The following GLP2R variants were observed in gnomAD, a reference collection of about 807,000 sequenced individuals.
GLP2R encodes the protein glucagon-like peptide 2 receptor.
GLP2R carries 59 observed loss-of-function variants against 68.2 expected under a neutral mutation model. The ratio of observed to expected loss-of-function variants is 0.87; its 90% confidence interval spans 0.70 to 1.07. GLP2R has a LOEUF of 1.07. GLP2R is among the 50% of genes least tolerant of loss of function. The probability of loss-of-function intolerance (pLI) is 0.00; values close to 1 mark genes in which losing one functional copy is unlikely to be tolerated. For missense variants in GLP2R, 548 were observed against 677.4 expected, an observed-to-expected ratio of 0.81 and a Z score of 2.12; for synonymous variants, 270 against 265.4, an observed-to-expected ratio of 1.02 and a Z score of -0.17.
chr17:9,876,634 A>G (rs182954248), intron 10 of GLP2R, among the ~76,000 whole-genome samples: 20 of 152,308 alleles, frequency 1.3e-4, no homozygotes, highest in African/African-American at 4.6e-4. Context: ...CCTAGGTTTC[A>G]TGACCTGTTT....
At position 9,891,831 on chromosome 17, in the gene GLP2R, G is replaced by T. The variant is rs2067293396; in HGVS notation, c.*2126G>T. ...AGCCAATTAGCTCCTAGAAAGCTGG[G>T]GTCATCTCGTATTCCCAGCAAGTAC... On this transcript the variant is annotated 3_prime_UTR_variant, in exon 13 of 13. Transcript: ENST00000262441. 1 of 152,068 alleles carries T rather than the reference G, an allele frequency of 6.6e-6. No individual in the cohort carries two copies. Among genetic ancestry groups the T allele is most frequent in the Non-Finnish European group, 1.5e-5 (1 of 68,026 alleles). The allele number at this position is 152,068 out of a possible 1,614,324, so 9.4% of individuals were successfully genotyped here.
At chr17:9,881,534 CTA>C (rs2067196261) in intron 11 of GLP2R, among the ~76,000 whole-genome samples, 1 of 146,264 alleles carries the variant, frequency 6.8e-6, no homozygotes, top group Admixed American at 6.7e-5. Context: ...GCGCCCGCCA[CTA>C]CGCCCGGCTA....
At chr17:9,859,079 T>C (rs963994534) in intron 6 of GLP2R, among the ~76,000 whole-genome samples, 2 of 152,184 alleles carry the variant, frequency 1.3e-5, no homozygotes, top group African/African-American at 4.8e-5. Flanking sequence ...AGCATTTTTC[T>C]TTTTTAAAAA....
At chr17:9,860,285 G>C (rs2066976376) in intron 7 of GLP2R, among the ~76,000 whole-genome samples, 184 bp downstream of exon 7, 1 of 152,192 alleles carries the variant, frequency 6.6e-6, no homozygotes, top group South Asian at 2.1e-4. Context: ...ATGCACAGGG[G>C]CCATAGGCCC....
At chr17:9,857,727 C>A in intron 6 of GLP2R, 151 bp downstream of exon 6, 1 of 727,246 alleles carries the variant, frequency 1.4e-6, no homozygotes. Context: ...CGTGACTTAA[C>A]AAAACCACCA....
At chr17:9,844,637 C>T (rs1285086061) in intron 4 of GLP2R, among the ~76,000 whole-genome samples, 4 of 132,500 alleles carry the variant, frequency 3.0e-5, no homozygotes, top group African/African-American at 8.2e-5. Context: ...AGGCCTTGCC[C>T]TTTGGATTCT....
intron 10 of GLP2R, among the ~76,000 whole-genome samples, chr17:9,871,678 A>G (rs1295648905): frequency 6.6e-6 from 1 of 151,686 alleles, no homozygotes; most frequent in Non-Finnish European, 1.5e-5. Flanking sequence ...AAGAGAGATA[A>G]AGGGTTTCCT....
At chr17:9,833,769 C>A in intron 1 of GLP2R, 38 bp from the exon 2 acceptor site, 1 of 1,304,342 alleles carries the variant, frequency 7.7e-7, no homozygotes, top group Non-Finnish European at 1.1e-6. Context: ...CACATCTGTG[C>A]TTGGTCACTG....
At chr17:9,874,774 C>T (rs757465114) in intron 10 of GLP2R, among the ~76,000 whole-genome samples, 5 of 152,276 alleles carry the variant, frequency 3.3e-5, no homozygotes, top group Admixed American at 6.5e-5. Context: ...TTTCCTAATC[C>T]GCAACACCAG....
chr17:9,831,179 G>C lies in GLP2R; in HGVS notation c.190-2628G>C, dbSNP rs560545869. On this transcript the variant is annotated intron_variant, in intron 1 of 12. Transcript: ENST00000262441. ...ATAACCTTAAATCTACCTGGCCCTA[G>C]AAAACATTTGAGCTTGTTGCCCCTT... Among the ~76,000 whole-genome samples the C allele has an allele frequency of 5.8e-4, 89 of 152,290 alleles. No individual in the cohort carries two copies. The South Asian group carries it at 0.017, about 29-fold the overall frequency.
rs1279597229 is a variant in GLP2R at position 9,870,915 on chromosome 17, G to A, written c.1145+80G>A. 5 of 756,062 alleles carry A rather than the reference G, an allele frequency of 6.6e-6. No individual in the cohort carries two copies. The African/African-American group carries it at 6.9e-5, about 10-fold the overall frequency. The allele number at this position is 756,062 out of a possible 1,614,324, so 46.8% of individuals were successfully genotyped here. On this transcript the variant is annotated intron_variant, in intron 10 of 12. Transcript: ENST00000262441. ...CTGTTCTGCCCGCTGTCTTGGGAAG[G>A]ACATTTATCTCCTAAGGCCAGGGTA...
At chr17:9,840,171 T>TAAACATAA (rs2066772529) in intron 3 of GLP2R, among the ~76,000 whole-genome samples, 2 of 152,136 alleles carry the variant, frequency 1.3e-5, no homozygotes, top group Non-Finnish European at 2.9e-5. Context: ...GAGACAGGGT[T>TAAACATAA]TCACTATGTT....
intron 9 of GLP2R, among the ~76,000 whole-genome samples, chr17:9,869,375 C>T (rs745963795): frequency 7.2e-5 from 11 of 152,250 alleles, no homozygotes; most frequent in South Asian, 6.2e-4. Flanking sequence ...TTACCTACCA[C>T]GGCTGTGAAA....
chr17:9,859,722 C>T (rs368887212), intron 6 of GLP2R, among the ~76,000 whole-genome samples: 29 of 145,470 alleles, frequency 2.0e-4, no homozygotes, highest in Admixed American at 2.8e-4. Context: ...GGGGGGCTGA[C>T]GCAGGAGAAT....
At chr17:9,884,057 A>G (rs4617902) in intron 11 of GLP2R, among the ~76,000 whole-genome samples, 2,255 of 152,318 alleles carry the variant, frequency 0.015, 68 homozygotes, top group African/African-American at 0.052. Context: ...TATAACATAT[A>G]AAGATCTAAT....
At chr17:9,827,296 TG>T (rs2066641246) in intron 1 of GLP2R, among the ~76,000 whole-genome samples, 1 of 152,206 alleles carries the variant, frequency 6.6e-6, no homozygotes. Flanking sequence ...TGCTCTGCAC[TG>T]GGTTGAGTGC....
intron 1 of GLP2R, among the ~76,000 whole-genome samples, chr17:9,830,088 T>C (rs887560477): frequency 6.6e-6 from 1 of 152,250 alleles, no homozygotes; most frequent in Non-Finnish European, 1.5e-5. Context: ...GTACCCCTTG[T>C]GTTTTTTATG....
rs756012862 is a variant in GLP2R, at chr17:9,887,984, C to T, written c.1326+11C>T. On this transcript the variant is annotated intron_variant, in intron 12 of 12. Transcript: ENST00000262441. The stretch of plus-strand genomic sequence containing the variant: ...TTTGCCAATGGAGAGGTATGATTTC[C>T]ACGTTGCCATCCTGGTTTCATGTGA... The T allele has an allele frequency of 5.0e-6, 8 of 1,601,906 alleles. No homozygotes were observed.
At chr17:9,887,394 G>T (rs1053467865) in intron 11 of GLP2R, among the ~76,000 whole-genome samples, 1 of 152,192 alleles carries the variant, frequency 6.6e-6, no homozygotes, top group Non-Finnish European at 1.5e-5. Flanking sequence ...CGGGCGTGGT[G>T]GCGTCCGCCT....
Sources: allele counts gnomAD v4.1 joint callset (sites outside exome capture counted in the v4.1 genomes callset), GRCh38; gene constraint gnomAD v4.1.1; transcripts MANE v1.5; gene names NCBI Gene and HGNC (gene_info 2026-07-23, HGNC 2026-07-21).